The following GMDS variants were observed in gnomAD, a reference collection of about 807,000 sequenced individuals.
The protein encoded by GMDS is GDP-mannose 4,6-dehydratase.
In GMDS, 20 loss-of-function variants were observed where a neutral mutation model predicts 49.9. The ratio of observed to expected loss-of-function variants is 0.40; its 90% CI spans 0.28 to 0.58. The LOEUF (loss-of-function observed/expected upper bound fraction) is 0.58, where lower values mean the gene tolerates loss of function less well. GMDS is among the 20% of genes least tolerant of loss of function. The probability of loss-of-function intolerance (pLI) is 0.42; values close to 1 mark genes in which losing one functional copy is unlikely to be tolerated. For missense variants in GMDS, 362 were observed against 481.4 expected, an observed-to-expected ratio of 0.75 and a Z score of 2.32; for synonymous variants, 177 against 178.6, an observed-to-expected ratio of 0.99 and a Z score of 0.07.
intron 1 of GMDS, among the ~76,000 whole-genome samples, chr6:2,220,188 C>T (rs981530534): frequency 6.6e-6 from 1 of 152,222 alleles, no homozygotes; most frequent in Non-Finnish European, 1.5e-5. Context: ...CAGCAGAACG[C>T]CTCCTTATCC....
At chr6:1,774,612 TTCTG>T (rs1167331227) in intron 7 of GMDS, among the ~76,000 whole-genome samples, 1 of 152,232 alleles carries the variant, frequency 6.6e-6, no homozygotes, top group African/African-American at 2.4e-5. Context: ...ACACTCGTCC[TTCTG>T]TCTGTCTCAC....
At chr6:1,636,716 A>G (rs370222395) in intron 9 of GMDS, among the ~76,000 whole-genome samples, 22 of 152,340 alleles carry the variant, frequency 1.4e-4, no homozygotes, top group African/African-American at 5.3e-4. Flanking sequence ...CCACACAGGC[A>G]GCCCTTACCA....
At chr6:2,015,727 T>C (rs975126993) in intron 4 of GMDS, among the ~76,000 whole-genome samples, 5 of 152,146 alleles carry the variant, frequency 3.3e-5, no homozygotes, top group African/African-American at 1.2e-4. Flanking sequence ...CTACTATGAA[T>C]TGGAACACAC....
intron 4 of GMDS, among the ~76,000 whole-genome samples, chr6:2,049,950 A>G (rs1317069023): frequency 1.3e-5 from 2 of 152,198 alleles, no homozygotes; most frequent in Non-Finnish European, 2.9e-5. Flanking sequence ...TCAACACCCT[A>G]ACATCACAAT....
chr6:2,130,680 C>A (rs892733197), intron 1 of GMDS, among the ~76,000 whole-genome samples: 1 of 152,108 alleles, frequency 6.6e-6, no homozygotes, highest in African/African-American at 2.4e-5. Context: ...TACCATGGCA[C>A]AGAATTCTCT....
At position 2,005,994 on chromosome 6, in the gene GMDS, C is replaced by G. The variant is rs115029651; in HGVS notation, c.346-45028G>C. On this transcript the variant is annotated intron_variant, in intron 4 of 10. Transcript: ENST00000380815. ...TTTGTCAGACTGATTTCCTCACAGT[C>G]ACCTACCATTTTATACACTAATGAC... is the stretch of plus-strand genomic sequence containing the variant. 5.2e-3 allele frequency among the ~76,000 whole-genome samples: 796 copies of G among 152,262 alleles called. 3 individuals are homozygous for G. Among genetic ancestry groups the G allele is most frequent in the Non-Finnish European group, 8.0e-3 (545 of 68,020 alleles).
rs386405902 is a variant in GMDS, at chr6:2,079,019, C to CTTTTTTTTTTTTTTTTTTTTTT, written c.345+36730_345+36751dup. 5.9e-5 allele frequency among the ~76,000 whole-genome samples: 2 copies of CTTTTTTTTTTTTTTTTTTTTTT among 33,988 alleles called. 1 individual carries two copies. Among genetic ancestry groups the CTTTTTTTTTTTTTTTTTTTTTT allele is most frequent in the Non-Finnish European group, 1.4e-4 (2 of 14,200 alleles). 22.3% of individuals were successfully genotyped at this position (33,988 alleles called of 152,430 possible). On this transcript the variant is annotated intron_variant, in intron 4 of 10. Transcript: ENST00000380815. The stretch of plus-strand genomic sequence containing the variant: ...CTTTGTCATTGCATAATGACCTTGT[C>CTTTTTTTTTTTTTTTTTTTTTT]TTTTTTTTTTTTTTTTTTTTTTTTT...
chr6:1,914,129 TTG>T (rs1163540214), intron 7 of GMDS, among the ~76,000 whole-genome samples: 8 of 137,872 alleles, frequency 5.8e-5, no homozygotes, highest in East Asian at 2.2e-4. Flanking sequence ...CGTTTTTTGT[TTG>T]TTTTTTTTTT....
chr6:1,994,549 C>T (rs1581480407), intron 4 of GMDS, among the ~76,000 whole-genome samples: 1 of 152,230 alleles, frequency 6.6e-6, no homozygotes, highest in East Asian at 1.9e-4. Flanking sequence ...AAATGAGGCG[C>T]AAACTTTGTC....
intron 4 of GMDS, among the ~76,000 whole-genome samples, chr6:2,024,718 A>T (rs1290862325): frequency 6.6e-6 from 1 of 152,062 alleles, no homozygotes; most frequent in African/African-American, 2.4e-5. Context: ...GAAGCAAAGA[A>T]AAAGGACAAA....
chr6:2,229,445 G>A (rs1485892340), intron 1 of GMDS, among the ~76,000 whole-genome samples: 4 of 150,946 alleles, frequency 2.6e-5, no homozygotes, highest in South Asian at 2.1e-4. Context: ...AATGAGTCAC[G>A]TGTGGTGGCA....
At chr6:2,172,726 A>G (rs1341413517) in intron 1 of GMDS, among the ~76,000 whole-genome samples, 1 of 152,188 alleles carries the variant, frequency 6.6e-6, no homozygotes, top group Non-Finnish European at 1.5e-5. Context: ...ACAAAATGCA[A>G]AAAGTATTAG....
intron 9 of GMDS, among the ~76,000 whole-genome samples, chr6:1,684,720 C>T (rs1764912403): frequency 6.6e-6 from 1 of 152,158 alleles, no homozygotes; most frequent in South Asian, 2.1e-4. Flanking sequence ...GGAGATGGTC[C>T]TGTCTTGGCT....
At chr6:2,039,682 T>G (rs1009481093) in intron 4 of GMDS, among the ~76,000 whole-genome samples, 1 of 152,114 alleles carries the variant, frequency 6.6e-6, no homozygotes, top group African/African-American at 2.4e-5. Context: ...GTCTGTTACC[T>G]CCACGTCTTC....
chr6:1,791,091 A>G (rs1443303803), intron 7 of GMDS, among the ~76,000 whole-genome samples: 1 of 152,202 alleles, frequency 6.6e-6, no homozygotes, highest in African/African-American at 2.4e-5. Context: ...CAAGAAATGC[A>G]GGTGGCCTCT....
At chr6:1,897,946 T>A (rs13200110) in intron 7 of GMDS, among the ~76,000 whole-genome samples, 2 of 111,742 alleles carry the variant, frequency 1.8e-5, no homozygotes, top group African/African-American at 7.3e-5. Flanking sequence ...TGGACACCTA[T>A]CCTGGCCACC....
chr6:2,177,404 T>C (rs1243320683), intron 1 of GMDS, among the ~76,000 whole-genome samples: 1 of 152,094 alleles, frequency 6.6e-6, no homozygotes, highest in Non-Finnish European at 1.5e-5. Flanking sequence ...AAAATAAAAC[T>C]TCAGGCCAAT....
intron 4 of GMDS, among the ~76,000 whole-genome samples, chr6:2,115,304 C>T (rs1774785334): frequency 6.6e-6 from 1 of 152,130 alleles, no homozygotes; most frequent in Non-Finnish European, 1.5e-5. Context: ...TGATTTTTAC[C>T]ATTCACAATT....
At chr6:2,245,192 G>A in intron 1 of GMDS, 129 bp downstream of exon 1, 2 of 670,056 alleles carry the variant, frequency 3.0e-6, no homozygotes, top group Non-Finnish European at 5.2e-6. Context: ...CCACCTCCCG[G>A]CAGCAGACCC....
Sources: allele counts gnomAD v4.1 joint callset (sites outside exome capture counted in the v4.1 genomes callset), GRCh38; gene constraint gnomAD v4.1.1; transcripts MANE v1.5; gene names NCBI Gene and HGNC (gene_info 2026-07-23, HGNC 2026-07-21).